The following KIAA0825 variants were observed in gnomAD, a reference collection of about 807,000 sequenced individuals.
KIAA0825 encodes uncharacterized protein KIAA0825.
In KIAA0825, 119 loss-of-function variants were observed where a neutral mutation model predicts 147.6. The ratio of observed to expected loss-of-function variants is 0.81; its 90% CI spans 0.69 to 0.94. The LOEUF (loss-of-function observed/expected upper bound fraction) is 0.94. Among genes scored for constraint, KIAA0825 ranks in the 40% least tolerant of loss-of-function variants. KIAA0825 has a pLI of 0.00. For missense variants in KIAA0825, 1,381 were observed against 1,472.7 expected, an observed-to-expected ratio of 0.94 and a Z score of 1.02; for synonymous variants, 470 against 518.1, an observed-to-expected ratio of 0.91 and a Z score of 1.26.
At chr5:94,420,010 G>C (rs1177603873) in intron 14 of KIAA0825, among the ~76,000 whole-genome samples, 1 of 152,114 alleles carries the variant, frequency 6.6e-6, no homozygotes, top group East Asian at 1.9e-4. Context: ...TTACAAAGCA[G>C]ATCATGTCTC....
chr5:94,293,804 G>A (rs901126853), intron 20 of KIAA0825, among the ~76,000 whole-genome samples: 2 of 152,128 alleles, frequency 1.3e-5, no homozygotes, highest in African/African-American at 2.4e-5. Context: ...CATGTATTGG[G>A]TGCATATAAA....
At chr5:94,195,438 C>G (rs970657174) in intron 20 of KIAA0825, among the ~76,000 whole-genome samples, 2 of 152,000 alleles carry the variant, frequency 1.3e-5, no homozygotes, top group Non-Finnish European at 2.9e-5. Flanking sequence ...AGGAAGGTAC[C>G]ACACTTGGCA....
intron 20 of KIAA0825, among the ~76,000 whole-genome samples, chr5:94,189,546 A>C (rs1770471880): frequency 6.6e-6 from 1 of 152,122 alleles, no homozygotes; most frequent in African/African-American, 2.4e-5. Context: ...TCCTCCATTG[A>C]AATAACTTAG....
rs367836743 is a variant in KIAA0825, at chr5:94,420,600, G to A, written c.2498-3235C>T. Among the ~76,000 whole-genome samples the A allele has an allele frequency of 6.7e-4, 102 of 152,140 alleles. 1 individual carries two copies. The highest frequency in any genetic ancestry group is 6.8e-3 in the Middle Eastern group (2 of 294). ...GTACTATTTTACTATATGACGTTCT[G>A]CGGATGCACATCTTGTCTTCAGGTA... On this transcript the variant is annotated intron_variant, in intron 14 of 20. Transcript: ENST00000682413.
At chr5:94,170,308 A>G (rs1399390236) in intron 20 of KIAA0825, among the ~76,000 whole-genome samples, 2 of 151,390 alleles carry the variant, frequency 1.3e-5, no homozygotes, top group Non-Finnish European at 2.9e-5. Context: ...CAAAAAAACA[A>G]AACAAAACAA....
intron 20 of KIAA0825, among the ~76,000 whole-genome samples, chr5:94,354,486 T>C (rs1784033703): frequency 6.6e-6 from 1 of 152,160 alleles, no homozygotes. Flanking sequence ...AAATTGTCAT[T>C]TCTATCTCCT....
intron 2 of KIAA0825, among the ~76,000 whole-genome samples, chr5:94,546,238 C>G (rs1011129393): frequency 3.3e-5 from 5 of 152,172 alleles, no homozygotes; most frequent in African/African-American, 1.2e-4. Flanking sequence ...GGTTTTGACT[C>G]CAATCCCTGG....
chr5:94,386,477 T>C, intron 18 of KIAA0825, 73 bp from the exon 19 acceptor site: 1 of 1,194,162 alleles, frequency 8.4e-7, no homozygotes, highest in Non-Finnish European at 1.2e-6. Context: ...CTGATCAATA[T>C]CCAAATTTAT....
At chr5:94,423,088 T>C (rs984412287) in intron 14 of KIAA0825, among the ~76,000 whole-genome samples, 4 of 152,146 alleles carry the variant, frequency 2.6e-5, no homozygotes, top group Admixed American at 1.3e-4. Context: ...CTCCTCTCTG[T>C]GAAGGTCTAT....
At chr5:94,558,351 T>C (rs897966712) in intron 2 of KIAA0825, among the ~76,000 whole-genome samples, 8 of 152,198 alleles carry the variant, frequency 5.3e-5, no homozygotes, top group Non-Finnish European at 1.0e-4. Context: ...GGATAAGACA[T>C]CACTGGTGGT....
In KIAA0825 at chr5:94,464,994, G is replaced by C. The variant is rs555102268; in HGVS notation, c.1938C>G (p.Leu646=). ...HYFCWSLHYD[L]WTILPPKLAQ... The stretch of plus-strand genomic sequence containing the variant: ...CTAACTTAGGAGGCAGAATGGTCCA[G>C]AGATCGTAATGAAGAGACCAGCAGA... Residue 646 remains leucine, a synonymous_variant, in exon 11 of 21, where the codon CTC becomes CTG. Coordinates refer to ENST00000682413, the MANE Select transcript of KIAA0825 (RefSeq NM_001145678.3). 1.8e-5 allele frequency: 28 copies of C among 1,551,604 alleles called. No individual in the cohort carries two copies. The highest frequency in any genetic ancestry group is 2.3e-5 in the Non-Finnish European group (26 of 1,146,992).
At chr5:94,245,725 C>T (rs1164548440) in intron 20 of KIAA0825, among the ~76,000 whole-genome samples, 1 of 152,004 alleles carries the variant, frequency 6.6e-6, no homozygotes, top group Non-Finnish European at 1.5e-5. Context: ...CTTAATATGA[C>T]TGATATATGA....
chr5:94,610,787 G>GAA (rs1788598124), intron 1 of KIAA0825, among the ~76,000 whole-genome samples: 1 of 95,114 alleles, frequency 1.1e-5, no homozygotes, highest in Non-Finnish European at 2.0e-5. Flanking sequence ...AAAAAAAAAA[G>GAA]TATATATATA....
chr5:94,249,648 A>G (rs1476665762), intron 20 of KIAA0825, among the ~76,000 whole-genome samples: 1 of 151,926 alleles, frequency 6.6e-6, no homozygotes, highest in Non-Finnish European at 1.5e-5. Context: ...TCTGTTTGGA[A>G]TGCTCTTCTC....
At chr5:94,538,154 T>C (rs949162954) in intron 2 of KIAA0825, among the ~76,000 whole-genome samples, 2 of 152,202 alleles carry the variant, frequency 1.3e-5, no homozygotes, top group Admixed American at 1.3e-4. Context: ...ACAGATTTTT[T>C]ACAAACACAT....
intron 20 of KIAA0825, among the ~76,000 whole-genome samples, chr5:94,206,905 G>A (rs144943487): frequency 1.3e-5 from 2 of 152,250 alleles, no homozygotes; most frequent in South Asian, 2.1e-4. Flanking sequence ...AGAGGAACTC[G>A]CGGAAGATCA....
Position 94,359,794 on chromosome 5 carries a change from G to C in KIAA0825, c.3710+24574C>G, listed in dbSNP as rs187107817. Among the ~76,000 whole-genome samples the C allele has an allele frequency of 3.6e-3, 544 of 152,280 alleles. 2 individuals carry two copies. Among genetic ancestry groups the C allele is most frequent in the Non-Finnish European group, 5.6e-3 (381 of 68,024 alleles). ...AACCATGTTCTCAAGTAATTTCCAA[G>C]AATGCAGAATGCAGTTCTTAAATAT... On this transcript the variant is annotated intron_variant, in intron 20 of 20. Transcript: ENST00000682413.
intron 20 of KIAA0825, among the ~76,000 whole-genome samples, chr5:94,357,403 A>G (rs1369352291): frequency 6.6e-6 from 1 of 152,266 alleles, no homozygotes; most frequent in Non-Finnish European, 1.5e-5. Flanking sequence ...ACAAATTTTT[A>G]TGAAAGAAAA....
chr5:94,569,187 TA>T, intron 2 of KIAA0825: 1 of 206,756 alleles, frequency 4.8e-6, no homozygotes. Context: ...CTAATCCCAC[TA>T]AAACACTTAC....
Sources: gnomAD v4.1 joint callset for allele counts (sites outside exome capture counted in the v4.1 genomes callset) on GRCh38, gnomAD v4.1.1 for gene constraint, MANE v1.5 for transcripts, NCBI Gene and HGNC (gene_info 2026-07-23, HGNC 2026-07-21) for gene names.